Variants in INSL6 observed in about 807,000 individuals in gnomAD.
INSL6 encodes insulin-like peptide INSL6.
Under a neutral mutation model 9.4 loss-of-function variants are expected in INSL6, and 16 were observed. The observed-to-expected ratio is 1.70, with a 90% CI of 1.15 to 2.59. INSL6 has a LOEUF of 2.59. Ranked by LOEUF, INSL6 falls within the 30% of genes most tolerant of loss-of-function variation. The pLI is 0.00. For missense variants in INSL6, 391 were observed against 257.3 expected, an observed-to-expected ratio of 1.52 and a Z score of -3.56; for synonymous variants, 154 against 96.9, an observed-to-expected ratio of 1.59 and a Z score of -3.46.
At chr9:5,181,601 A>T (rs1256753685) in intron 1 of INSL6, among the ~76,000 whole-genome samples, 1 of 152,196 alleles carries the variant, frequency 6.6e-6, no homozygotes, top group Non-Finnish European at 1.5e-5. Context: ...AAGGCAAAAC[A>T]CTTACTGCTT....
intron 3 of INSL6, chr9:5,128,116 GTGTGT>G (rs1489723523): frequency 1.5e-5 from 3 of 201,956 alleles, no homozygotes; most frequent in East Asian, 6.6e-5. Context: ...GTGTGTGTGT[GTGTGT>G]TATTTATACA....
intron 1 of INSL6, among the ~76,000 whole-genome samples, chr9:5,175,660 C>T (rs1328256192): frequency 2.6e-5 from 4 of 152,158 alleles, no homozygotes; most frequent in African/African-American, 4.8e-5. Context: ...GCATTATCAC[C>T]TGAGCTCTAC....
chr9:5,136,694 C>T (rs1204643066), intron 2 of INSL6, among the ~76,000 whole-genome samples: 2 of 152,128 alleles, frequency 1.3e-5, no homozygotes, highest in Admixed American at 1.3e-4. Flanking sequence ...GGAAGCATTC[C>T]CTTTGAAAAC....
At chr9:5,174,096 C>T (rs946441017) in intron 1 of INSL6, among the ~76,000 whole-genome samples, 1 of 152,188 alleles carries the variant, frequency 6.6e-6, no homozygotes, top group African/African-American at 2.4e-5. Flanking sequence ...CCCTAGGACA[C>T]TACTCCAGCA....
chr9:5,042,813 G>A, the INSL6 span, among the ~76,000 whole-genome samples: 1 of 152,192 alleles, frequency 6.6e-6, no homozygotes, highest in Non-Finnish European at 1.5e-5. Context: ...GGGTGGGGCC[G>A]CGGCTGAAGC....
intron 2 of INSL6, among the ~76,000 whole-genome samples, chr9:5,157,011 T>C (rs1458739089): frequency 6.6e-6 from 1 of 152,036 alleles, no homozygotes; most frequent in African/African-American, 2.4e-5. Context: ...AACAAGACTG[T>C]TTCAAAAAAT....
the INSL6 span, among the ~76,000 whole-genome samples, chr9:5,013,607 T>G: frequency 6.6e-6 from 1 of 152,218 alleles, no homozygotes; most frequent in Non-Finnish European, 1.5e-5. Context: ...TTCCATGTTT[T>G]GCATGCTTTT....
At chr9:5,023,742 A>G in the INSL6 span, among the ~76,000 whole-genome samples, 1 of 152,124 alleles carries the variant, frequency 6.6e-6, no homozygotes, top group South Asian at 2.1e-4. Context: ...AAGTGTGATT[A>G]TATACTCATG....
the INSL6 span, among the ~76,000 whole-genome samples, chr9:5,071,912 T>G: frequency 6.6e-6 from 1 of 152,234 alleles, no homozygotes; most frequent in Non-Finnish European, 1.5e-5. Flanking sequence ...CTAGTATTAG[T>G]AGTAATAGCT....
intron 2 of INSL6, among the ~76,000 whole-genome samples, chr9:5,148,524 G>A (rs1372950126): frequency 6.6e-6 from 1 of 152,172 alleles, no homozygotes; most frequent in African/African-American, 2.4e-5. Flanking sequence ...CGGGGCCACA[G>A]GGCTCCCTTG....
intron 1 of INSL6, among the ~76,000 whole-genome samples, chr9:5,177,145 AAAAGAGTG>A (rs1343148745): frequency 6.6e-6 from 1 of 152,188 alleles, no homozygotes. Flanking sequence ...GGAGAGGAAT[AAAAGAGTG>A]AATTCAGCAC....
chr9:5,078,266 T>C, the INSL6 span: 3 of 1,569,142 alleles, frequency 1.9e-6, no homozygotes, highest in Non-Finnish European at 2.6e-6. Context: ...CCAGTACTTG[T>C]GGACTGATAT....
the INSL6 span, among the ~76,000 whole-genome samples, chr9:5,044,995 G>T: frequency 6.6e-6 from 1 of 152,168 alleles, no homozygotes; most frequent in Non-Finnish European, 1.5e-5. Flanking sequence ...ACTGGATGTT[G>T]ATACTTAGTC....
the INSL6 span, among the ~76,000 whole-genome samples, chr9:5,087,121 A>G: frequency 3.9e-5 from 6 of 152,212 alleles, no homozygotes; most frequent in Non-Finnish European, 8.8e-5. Context: ...TACTGGTTGT[A>G]TTAGTCTGTT....
the INSL6 span, chr9:5,080,239 G>C: frequency 6.2e-7 from 1 of 1,611,386 alleles, no homozygotes; most frequent in South Asian, 1.1e-5. Context: ...TTCTTCAGGA[G>C]AGAATACCAT....
the INSL6 span, among the ~76,000 whole-genome samples, chr9:5,103,699 G>A: frequency 6.6e-6 from 1 of 152,080 alleles, no homozygotes; most frequent in Admixed American, 6.6e-5. Context: ...TAAAAGAACA[G>A]ATATCACAAC....
At chr9:5,153,186 G>C (rs1824745265) in intron 2 of INSL6, among the ~76,000 whole-genome samples, 1 of 151,862 alleles carries the variant, frequency 6.6e-6, no homozygotes. Context: ...ATGTCAGTGA[G>C]ACAGAACCGT....
rs138203591 is a variant in INSL6, at chr9:5,164,266, C to T, written c.290-1G>A. The T allele has an allele frequency of 4.2e-4, 662 of 1,577,056 alleles. 1 individual carries two copies. The highest frequency in any genetic ancestry group is 3.6e-4 in the Non-Finnish European group (418 of 1,153,026). ...ACTGCTTCTTCCCAAGAAGTAGACA[C>T]TGTTGAGAGAGAAGAAAATAAATGC... is the stretch of plus-strand genomic sequence containing the variant. On this transcript the variant is annotated splice_acceptor_variant, in intron 1 of 1. Transcript: ENST00000381641. LOFTEE classifies it high-confidence loss of function.
At chr9:5,182,264 A>AT (rs1338797046) in intron 1 of INSL6, among the ~76,000 whole-genome samples, 2 of 151,878 alleles carry the variant, frequency 1.3e-5, no homozygotes, top group African/African-American at 2.4e-5. Context: ...CATAGCAACA[A>AT]TAAGATATAG....
Sources: allele counts gnomAD v4.1 joint callset (sites outside exome capture counted in the v4.1 genomes callset), GRCh38; gene constraint gnomAD v4.1.1; transcripts MANE v1.5; gene names NCBI Gene and HGNC (gene_info 2026-07-23, HGNC 2026-07-21).